GREB1: variants seen among roughly 807,000 people sequenced by gnomAD.
GREB1 encodes the protein protein GREB1.
A neutral mutation model predicts 200.7 loss-of-function variants in GREB1; 106 were observed. The observed-to-expected ratio is 0.53, with a 90% confidence interval of 0.45 to 0.62. The LOEUF is 0.62. GREB1 is among the 20% of genes least tolerant of loss of function. The pLI is 0.00. For missense variants in GREB1, 2,243 were observed against 2,556.8 expected (o/e 0.88, Z 2.65); for synonymous variants, 1,132 against 1,092.4 (o/e 1.04, Z -0.72).
intron 9 of GREB1, chr2:11,588,227 CAAAA>C: frequency 2.7e-6 from 2 of 750,404 alleles, no homozygotes; most frequent in Non-Finnish European, 3.2e-6. Context: ...GACACTGTCT[CAAAA>C]AAAAAAAAAG....
chr2:11,573,236 G>A (rs1476895929), intron 4 of GREB1, among the ~76,000 whole-genome samples: 1 of 152,180 alleles, frequency 6.6e-6, no homozygotes. Context: ...AGCCGCCCAG[G>A]ACGTGCTTGT....
intron 4 of GREB1, among the ~76,000 whole-genome samples, chr2:11,573,619 T>G (rs891258175): frequency 3.3e-5 from 5 of 152,234 alleles, no homozygotes; most frequent in African/African-American, 1.2e-4. Flanking sequence ...TTTTCTTGGT[T>G]GGCCTCTGTG....
chr2:11,556,451 C>T lies in GREB1; in HGVS notation c.-161-3C>T. ...TATATAACTTCCTGTAATTGCCCGG[C>T]AGTAGCTGCAGCTGAGGACAGCCAC... On this transcript the variant is annotated splice_region_variant and splice_polypyrimidine_tract_variant and intron_variant, in intron 1 of 32. Coordinates refer to ENST00000381486, the MANE Select transcript of GREB1 (RefSeq NM_014668.4). 1 of 531,750 alleles carries T rather than the reference C, an allele frequency of 1.9e-6. No individual in the cohort carries two copies. 32.9% of individuals were successfully genotyped at this position (531,750 alleles called of 1,614,324 possible). A position where few individuals can be genotyped will look rare whatever the true frequency, so the allele number is the denominator to read the frequency against.
chr2:11,500,896 G>A (rs536397356), intron 1 of GREB1, among the ~76,000 whole-genome samples: 1 of 152,366 alleles, frequency 6.6e-6, no homozygotes, highest in South Asian at 2.1e-4. Context: ...AGAAAGTGGA[G>A]AGAGTGACAG....
chr2:11,503,162 G>C (rs2148431577), intron 1 of GREB1, among the ~76,000 whole-genome samples: 1 of 152,198 alleles, frequency 6.6e-6, no homozygotes, highest in Middle Eastern at 3.4e-3. Flanking sequence ...ACAGTAAAAA[G>C]AAAGAAACGT....
chr2:11,614,438 A>C (rs1044592721), intron 19 of GREB1, among the ~76,000 whole-genome samples: 3 of 151,602 alleles, frequency 2.0e-5, no homozygotes, highest in African/African-American at 4.9e-5. Context: ...GATGGTTATT[A>C]ATATTCATTC....
At chr2:11,547,420 G>C (rs140216276) in intron 1 of GREB1, among the ~76,000 whole-genome samples, 132 of 152,262 alleles carry the variant, frequency 8.7e-4, no homozygotes, top group African/African-American at 3.1e-3. Flanking sequence ...TAGAAGACAG[G>C]GTTGTTGGCA....
At chr2:11,538,640 T>C (rs1486890195) in intron 1 of GREB1, among the ~76,000 whole-genome samples, 53 of 22,628 alleles carry the variant, frequency 2.3e-3, no homozygotes, top group Non-Finnish European at 5.5e-3. Flanking sequence ...TTTCTTTCTT[T>C]CTTTCTTTCT....
At chr2:11,494,874 A>G (rs943242631) in intron 1 of GREB1, among the ~76,000 whole-genome samples, 2 of 152,118 alleles carry the variant, frequency 1.3e-5, no homozygotes, top group Admixed American at 1.3e-4. Flanking sequence ...AAGAGCCCCC[A>G]ACTTGTTATG....
chr2:11,627,573 A>G (rs1684570987), intron 25 of GREB1, among the ~76,000 whole-genome samples: 2 of 152,368 alleles, frequency 1.3e-5, no homozygotes, highest in Middle Eastern at 3.4e-3. Context: ...AAGAGGAGGA[A>G]TTTGCATTTA....
intron 10 of GREB1, chr2:11,592,201 TTTAAC>T (rs371367002): frequency 0.11 from 53,229 of 466,598 alleles, 2,279 homozygotes; most frequent in African/African-American, 0.14. Flanking sequence ...TTTTTTTTTT[TTTAAC>T]AACAGCAGTG....
At chr2:11,596,663 G>GGGGGCACAGGTGTGTACAGTGAGGGGGT (rs1681268151) in intron 13 of GREB1, among the ~76,000 whole-genome samples, 1 of 116,266 alleles carries the variant, frequency 8.6e-6, no homozygotes, top group African/African-American at 3.3e-5. Context: ...GAGAGTAGGT[G>GGGGGCACAGGTGTGTACAGTGAGGGGGT]GGGGCACAGG....
At chr2:11,628,366 G>A (rs1684628429) in intron 25 of GREB1, among the ~76,000 whole-genome samples, 1 of 152,216 alleles carries the variant, frequency 6.6e-6, no homozygotes, top group Non-Finnish European at 1.5e-5. Flanking sequence ...ATGTAGGGTA[G>A]CTGATGTCCT....
chr2:11,589,479 C>T (rs1680513227), intron 10 of GREB1, among the ~76,000 whole-genome samples: 1 of 152,014 alleles, frequency 6.6e-6, no homozygotes, highest in Non-Finnish European at 1.5e-5. Context: ...CTGGAGAGGC[C>T]AGCGTAGCTG....
intron 1 of GREB1, among the ~76,000 whole-genome samples, chr2:11,507,607 C>G (rs1357688400): frequency 6.6e-6 from 1 of 152,182 alleles, no homozygotes; most frequent in African/African-American, 2.4e-5. Context: ...CCTTGCAGTT[C>G]TATCAAATGG....
rs1231331242 is a variant in GREB1 at position 11,633,925 on chromosome 2, G to A, written c.4992-206G>A. On this transcript the variant is annotated intron_variant, in intron 28 of 32. Transcript: ENST00000381486. The surrounding 1 kb of genome is among the most constrained non-coding windows in gnomAD (Gnocchi z 4.1). ...TGTTGTGAGAATTGACTAAATTATG[G>A]TCTGCAAATGTGTTCAGCACATAGC... 1.3e-5 allele frequency among the ~76,000 whole-genome samples: 2 copies of A among 152,228 alleles called. No homozygotes were observed. The highest frequency in any genetic ancestry group is 2.9e-5 in the Non-Finnish European group (2 of 68,046).
intron 1 of GREB1, among the ~76,000 whole-genome samples, chr2:11,521,832 AT>A (rs1673714233): frequency 6.6e-6 from 1 of 152,194 alleles, no homozygotes; most frequent in South Asian, 2.1e-4. Context: ...CCACACTGTA[AT>A]TATTGCCTCA....
At chr2:11,622,510 C>A (rs1344306892) in intron 23 of GREB1, among the ~76,000 whole-genome samples, 1 of 152,170 alleles carries the variant, frequency 6.6e-6, no homozygotes, top group Non-Finnish European at 1.5e-5. Context: ...ATTGGGCCAT[C>A]TAGATTTTTC....
intron 1 of GREB1, among the ~76,000 whole-genome samples, chr2:11,508,030 A>G (rs1470741108): frequency 6.6e-6 from 1 of 152,170 alleles, no homozygotes; most frequent in Non-Finnish European, 1.5e-5. Context: ...GCCATGTACT[A>G]GATATATTGT....
Sources: allele counts gnomAD v4.1 joint callset (sites outside exome capture counted in the v4.1 genomes callset), GRCh38; gene constraint gnomAD v4.1.1; non-coding constraint Gnocchi (gnomAD v3.1); transcripts MANE v1.5; gene names NCBI Gene and HGNC (gene_info 2026-07-23, HGNC 2026-07-21).